Variants in MYT1L observed in about 807,000 individuals in gnomAD.
MYT1L encodes the protein myelin transcription factor 1-like protein.
Under a neutral mutation model 126.7 loss-of-function variants are expected in MYT1L, and 12 were observed. The ratio of observed to expected loss-of-function variants is 0.09; its 90% CI spans 0.06 to 0.15. MYT1L has a LOEUF of 0.15. Ranked by LOEUF, MYT1L falls within the 10% of genes least tolerant of loss-of-function variation. The pLI is 1.00. For synonymous variants in MYT1L, 541 were observed against 604.2 expected (o/e 0.90, Z 1.53); for missense variants, 979 against 1,585.2 (o/e 0.62, Z 6.49).
chr2:1,962,984 T>A (rs1360980102), intron 8 of MYT1L, among the ~76,000 whole-genome samples: 1 of 152,226 alleles, frequency 6.6e-6, no homozygotes, highest in African/African-American at 2.4e-5. Flanking sequence ...GAATGGTGAA[T>A]CCTTCCCATA....
At chr2:2,064,123 G>A (rs77462105) in intron 3 of MYT1L, among the ~76,000 whole-genome samples, 1,807 of 152,322 alleles carry the variant, frequency 0.012, 36 homozygotes, top group African/African-American at 0.041. Context: ...GAACTGAGGA[G>A]GGGAGAAGCC....
At chr2:2,091,739 T>C (rs2076935515) in intron 3 of MYT1L, among the ~76,000 whole-genome samples, 1 of 152,236 alleles carries the variant, frequency 6.6e-6, no homozygotes, top group Admixed American at 6.5e-5. Flanking sequence ...TCAGTGATCT[T>C]ACCTGGATCT....
chr2:1,968,118 G>A (rs2059517156), intron 8 of MYT1L, among the ~76,000 whole-genome samples: 1 of 152,162 alleles, frequency 6.6e-6, no homozygotes, highest in Non-Finnish European at 1.5e-5. Context: ...CAGCCCCAGG[G>A]CCCGCAGCTG....
chr2:2,127,318 G>A (rs1292537564), intron 3 of MYT1L, among the ~76,000 whole-genome samples: 3 of 152,186 alleles, frequency 2.0e-5, no homozygotes, highest in Non-Finnish European at 4.4e-5. Context: ...CACTGAAGCA[G>A]CTCTCACAAC....
chr2:1,870,216 T>G (rs2046106966), intron 18 of MYT1L, among the ~76,000 whole-genome samples: 1 of 152,230 alleles, frequency 6.6e-6, no homozygotes, highest in Admixed American at 6.5e-5. Flanking sequence ...AAATCCAAAG[T>G]GCACCCAAGC....
At chr2:1,981,323 A>C (rs1203172079) in intron 5 of MYT1L, among the ~76,000 whole-genome samples, 3 of 152,208 alleles carry the variant, frequency 2.0e-5, no homozygotes, top group Non-Finnish European at 4.4e-5. Flanking sequence ...TGCCAGATTT[A>C]ATACCAAAAC....
At chr2:2,036,348 A>C (rs1224974405) in intron 4 of MYT1L, among the ~76,000 whole-genome samples, 2 of 18,608 alleles carry the variant, frequency 1.1e-4, no homozygotes, top group African/African-American at 2.5e-4. Flanking sequence ...TCTCCCCAAC[A>C]ATCTCCACCC....
At chr2:1,896,196 G>A (rs2049540763) in intron 14 of MYT1L, among the ~76,000 whole-genome samples, 1 of 152,138 alleles carries the variant, frequency 6.6e-6, no homozygotes, top group Admixed American at 6.5e-5. Flanking sequence ...AGCAGATGCT[G>A]GAGAGGCTGT....
intron 1 of MYT1L, among the ~76,000 whole-genome samples, chr2:2,305,231 G>T (rs1451200937): frequency 6.6e-6 from 1 of 152,058 alleles, no homozygotes; most frequent in African/African-American, 2.4e-5. Flanking sequence ...TTAATGTAAA[G>T]GATACTACAA....
chr2:1,966,321 T>C (rs908999535), intron 8 of MYT1L, among the ~76,000 whole-genome samples: 7 of 152,210 alleles, frequency 4.6e-5, no homozygotes, highest in Non-Finnish European at 7.3e-5. Flanking sequence ...AATATAATGA[T>C]CACTCCTTTA....
chr2:2,151,129 T>C (rs2085719462), intron 3 of MYT1L, among the ~76,000 whole-genome samples: 1 of 152,024 alleles, frequency 6.6e-6, no homozygotes, highest in Non-Finnish European at 1.5e-5. Context: ...AAATCACTCT[T>C]TGGATATGTT....
chr2:2,315,982 C>T (rs954503311), intron 1 of MYT1L, among the ~76,000 whole-genome samples: 5 of 152,020 alleles, frequency 3.3e-5, no homozygotes, highest in Non-Finnish European at 5.9e-5. Flanking sequence ...AGAAAAGTTC[C>T]ACATGTAGAA....
chr2:2,214,629 T>C (rs911467767), intron 2 of MYT1L, among the ~76,000 whole-genome samples: 15 of 152,160 alleles, frequency 9.9e-5, no homozygotes, highest in Non-Finnish European at 1.6e-4. Flanking sequence ...AAAAATGTCA[T>C]TCAAAAGCGA....
At chr2:1,942,892 T>C in intron 9 of MYT1L, 90 bp downstream of exon 9, 4 of 1,443,922 alleles carry the variant, frequency 2.8e-6, no homozygotes, top group East Asian at 2.5e-5. Context: ...TTTCTTTATA[T>C]GCCAGTCATT....
intron 18 of MYT1L, among the ~76,000 whole-genome samples, chr2:1,866,972 A>AGG (rs34873420): frequency 0.15 from 14,776 of 95,702 alleles, 1,260 homozygotes; most frequent in East Asian, 0.41. Context: ...AGAGAGAGGG[A>AGG]GGAGAGAGAG....
chr2:1,874,575 T>C (rs1251998254), intron 18 of MYT1L, among the ~76,000 whole-genome samples: 1 of 152,206 alleles, frequency 6.6e-6, no homozygotes, highest in East Asian at 1.9e-4. Flanking sequence ...TCCACCAACC[T>C]GTGGTCCAGC....
At chr2:2,311,736 G>A (rs1453013053) in intron 1 of MYT1L, among the ~76,000 whole-genome samples, 1 of 152,126 alleles carries the variant, frequency 6.6e-6, no homozygotes, top group Admixed American at 6.5e-5. Context: ...GAGCATGCAA[G>A]GCCTCTGTTC....
chr2:2,026,257 A>C (rs1020994694), intron 4 of MYT1L, among the ~76,000 whole-genome samples: 1 of 152,172 alleles, frequency 6.6e-6, no homozygotes, highest in Non-Finnish European at 1.5e-5. Context: ...ACTGTGTGAC[A>C]AGGGTGTGCG....
chr2:2,235,197 T>C (rs1218695548), intron 2 of MYT1L, among the ~76,000 whole-genome samples: 1 of 152,056 alleles, frequency 6.6e-6, no homozygotes, highest in Non-Finnish European at 1.5e-5. Context: ...GGTTAGCTGG[T>C]TGGTGTCTTC....
Sources: gnomAD v4.1 joint callset for allele counts (sites outside exome capture counted in the v4.1 genomes callset) on GRCh38, gnomAD v4.1.1 for gene constraint, MANE v1.5 for transcripts, NCBI Gene and HGNC (gene_info 2026-07-23, HGNC 2026-07-21) for gene names.